Variants in FAN1 observed in about 807,000 individuals in gnomAD.
FAN1 encodes FANCD2 and FANCI associated nuclease 1.
Under a neutral mutation model 104.9 loss-of-function variants are expected in FAN1, and 91 were observed. The observed-to-expected ratio is 0.87, with a 90% CI of 0.73 to 1.03. FAN1 has a LOEUF of 1.03. FAN1 is among the 50% of genes least tolerant of loss of function. The pLI, the probability that FAN1 is intolerant of heterozygous loss-of-function variation, is 0.00. For missense variants in FAN1, 1,263 were observed against 1,239.9 expected, an observed-to-expected ratio of 1.02 and a Z score of -0.28; for synonymous variants, 478 against 457.6, an observed-to-expected ratio of 1.04 and a Z score of -0.57.
chr15:30,929,240 CA>C lies in FAN1; in HGVS notation c.2632del (p.Ser878AlafsTer12). The C allele has an allele frequency of 2.5e-6, 4 of 1,613,520 alleles. No homozygotes were observed. Among genetic ancestry groups the C allele is most frequent in the Non-Finnish European group, 3.4e-6 (4 of 1,179,826 alleles). On this transcript the variant is annotated frameshift_variant, in exon 12 of 15. Coordinates refer to ENST00000362065, the MANE Select transcript of FAN1 (RefSeq NM_014967.5). LOFTEE classifies it high-confidence loss of function. ...GACTTGTGCACAGACAGCTTCTTCA[CA>C]AGCAGACGCCCAGCCCTTGAGGCCA... The part of the protein sequence containing the change: ...PLDLCTDSFF[T>X]SRRPALEARL...
At chr15:30,915,554 A>G (rs114789221) in intron 5 of FAN1, among the ~76,000 whole-genome samples, 2,296 of 152,300 alleles carry the variant, frequency 0.015, 58 homozygotes, top group African/African-American at 0.053. Flanking sequence ...GGGTCACTTG[A>G]GTCCAGAAAT....
intron 4 of FAN1, chr15:30,911,046 A>G (rs2062090388): frequency 1.4e-5 from 18 of 1,255,626 alleles, no homozygotes; most frequent in South Asian, 7.0e-5. Context: ...TCGGAAGGCA[A>G]TAGGCCTTTG....
At chr15:30,940,923 A>C in intron 14 of FAN1, 1 of 1,049,164 alleles carries the variant, frequency 9.5e-7, no homozygotes, top group Non-Finnish European at 1.2e-6. Context: ...ATGATTTCAA[A>C]ACACAGTGAT....
At chr15:30,912,652 GCACCA>G (rs2062122976) in intron 4 of FAN1, among the ~76,000 whole-genome samples, 1 of 152,158 alleles carries the variant, frequency 6.6e-6, no homozygotes, top group Admixed American at 6.6e-5. Context: ...AATAGCTTCT[GCACCA>G]GAAGGGTGTG....
chr15:30,940,173 A>C, intron 14 of FAN1: 1 of 985,390 alleles, frequency 1.0e-6, no homozygotes, highest in Non-Finnish European at 1.2e-6. Context: ...TTAAGCGGGG[A>C]ATGAGGAGTG....
intron 14 of FAN1, chr15:30,940,152 G>T (rs985619014): frequency 1.0e-6 from 1 of 985,456 alleles, no homozygotes; most frequent in Middle Eastern, 5.2e-4. Flanking sequence ...AAATTTGAAA[G>T]TATCCATGTT....
At chr15:30,913,736 A>G (rs2062144245) in intron 4 of FAN1, 122 bp from the exon 5 acceptor site, 2 of 671,674 alleles carry the variant, frequency 3.0e-6, no homozygotes. Context: ...CAGTTAAGTA[A>G]TGCTCCAGTG....
intron 13 of FAN1, among the ~76,000 whole-genome samples, chr15:30,935,921 G>A (rs867409550): frequency 1.2e-4 from 18 of 151,832 alleles, no homozygotes; most frequent in African/African-American, 3.1e-4. Context: ...CTAGGGTGCC[G>A]TTACATTTGT....
intron 14 of FAN1, among the ~76,000 whole-genome samples, chr15:30,938,305 A>C (rs1198573787): frequency 6.6e-6 from 1 of 152,222 alleles, no homozygotes; most frequent in African/African-American, 2.4e-5. Flanking sequence ...TAGCTGTTAA[A>C]CTTTTATGAT....
At chr15:30,914,125 T>G in intron 5 of FAN1, 34 bp downstream of exon 5, 1 of 1,408,430 alleles carries the variant, frequency 7.1e-7, no homozygotes, top group Non-Finnish European at 9.9e-7. Flanking sequence ...AATGTCTATA[T>G]GTGTATTTCA....
Position 30,904,681 on chromosome 15 carries a change from A to G in FAN1, c.18A>G (p.Lys6=), listed in dbSNP as rs2061930381. The G allele has an allele frequency of 3.1e-6, 5 of 1,604,464 alleles. No individual in the cohort carries two copies. In the South Asian group the frequency reaches 4.4e-5, roughly 14 times the overall value. ...TAATACTCATGATGTCAGAAGGGAA[A>G]CCTCCTGACAAAAAAAGGCCTCGTA... is the stretch of plus-strand genomic sequence containing the variant. The part of the protein sequence containing the change: MMSEG[K]PPDKKRPRRS... Residue 6 remains lysine (K), a synonymous_variant, in exon 2 of 15, where the codon AAA becomes AAG. Transcript: ENST00000362065.
chr15:30,904,792 C>T lies in FAN1; in HGVS notation c.129C>T (p.Ala43=), dbSNP rs200233447. ...ACAATGCACCACCTGCTAAACTTGCCTGCCCCGTTTGCAGTAAAATGGTGC... is the reference window on the plus strand; with the variant it reads ...ACAATGCACCACCTGCTAAACTTGCTTGCCCCGTTTGCAGTAAAATGGTGC... The part of the protein sequence containing the change: ...CFNNAPPAKL[A]CPVCSKMVPR... Residue 43 remains alanine (A), a synonymous_variant, in exon 2 of 15, where the codon GCC becomes GCT. Coordinates refer to ENST00000362065, the MANE Select transcript of FAN1 (RefSeq NM_014967.5). 2 of 1,613,598 alleles carry T rather than the reference C, an allele frequency of 1.2e-6. No homozygotes were observed. The highest frequency in any genetic ancestry group is 1.7e-6 in the Non-Finnish European group (2 of 1,179,664).
rs1369235197 is a variant in FAN1, at chr15:30,942,489, C to G, written c.*927C>G. Reference sequence around the variant, plus strand: ...GCAAATTTTCTACCAAAAAAAATCCCAAGAATTTATTTGGGAATTATTAAA... The same window carrying G: ...GCAAATTTTCTACCAAAAAAAATCCGAAGAATTTATTTGGGAATTATTAAA... On this transcript the variant is annotated 3_prime_UTR_variant, in exon 15 of 15. Coordinates refer to ENST00000362065, the MANE Select transcript of FAN1 (RefSeq NM_014967.5). The G allele has an allele frequency of 3.8e-6, 1 of 260,386 alleles. No homozygotes were observed. Among genetic ancestry groups the G allele is most frequent in the African/African-American group, 2.2e-5 (1 of 44,868 alleles). The allele number at this position is 260,386 out of a possible 1,614,324, so 16.1% of individuals were successfully genotyped here.
chr15:30,934,854 CT>C (rs1412807005), intron 13 of FAN1, among the ~76,000 whole-genome samples: 1 of 152,140 alleles, frequency 6.6e-6, no homozygotes, highest in Admixed American at 6.5e-5. Flanking sequence ...CCCTTCCAGC[CT>C]TTGTGGTGTT....
rs187679865 is a variant in FAN1 at position 30,937,099 on chromosome 15, T to G, written c.2917-20T>G. Reference sequence around the variant, plus strand: ...ATTCAGTAAGATACTAATAACAACTTTTAAAAATTTCTTTTCCAGCTGGTG... The same window carrying G: ...ATTCAGTAAGATACTAATAACAACTGTTAAAAATTTCTTTTCCAGCTGGTG... On this transcript the variant is annotated intron_variant, in intron 13 of 14. Coordinates refer to ENST00000362065, the MANE Select transcript of FAN1 (RefSeq NM_014967.5). 2 of 1,603,354 alleles carry G rather than the reference T, an allele frequency of 1.2e-6. No individual in the cohort carries two copies. The highest frequency in any genetic ancestry group is 4.5e-5 in the East Asian group (2 of 44,818).
At chr15:30,930,885 C>T (rs896021291) in intron 13 of FAN1, among the ~76,000 whole-genome samples, 3 of 152,174 alleles carry the variant, frequency 2.0e-5, no homozygotes, top group African/African-American at 7.2e-5. Flanking sequence ...CAAGACAGAG[C>T]TCCATCTCTT....
Position 30,936,432 on chromosome 15 carries a change from CAG to C in FAN1, c.2917-684_2917-683del, listed in dbSNP as rs1425299016. On this transcript the variant is annotated intron_variant, in intron 13 of 14. Transcript: ENST00000362065. Reference sequence around the variant, plus strand: ...AGGTTAGATTTAATTGAAAATGTAACAGAGTAATCGGAGGGTTTTAAGCAAGG... The same window carrying C: ...AGGTTAGATTTAATTGAAAATGTAACAGTAATCGGAGGGTTTTAAGCAAGG... 2.0e-5 allele frequency among the ~76,000 whole-genome samples: 3 copies of C among 152,136 alleles called. No individual in the cohort carries two copies. The East Asian group carries it at 5.8e-4, about 29-fold the overall frequency.
intron 4 of FAN1, chr15:30,911,118 T>G: frequency 8.9e-7 from 1 of 1,123,436 alleles, no homozygotes; most frequent in Non-Finnish European, 1.1e-6. Context: ...TATGGGATTT[T>G]AAGGTAAACT....
At position 30,925,400 on chromosome 15, in the gene FAN1, G is replaced by A. The variant is rs1277715063; in HGVS notation, c.2337+109G>A. ...GAGTGTGTGTTTTCTTTTAGACTCG[G>A]AATAATCTAAAACTCGTTTTGGACG... On this transcript the variant is annotated intron_variant, in intron 9 of 14. Transcript: ENST00000362065. The A allele has an allele frequency of 1.5e-5, 16 of 1,094,160 alleles. No homozygotes were observed. The East Asian group carries it at 4.0e-4, about 27-fold the overall frequency. The allele number at this position is 1,094,160 out of a possible 1,614,324, so 67.8% of individuals were successfully genotyped here.
Sources: allele counts gnomAD v4.1 joint callset (sites outside exome capture counted in the v4.1 genomes callset), GRCh38; gene constraint gnomAD v4.1.1; transcripts MANE v1.5; gene names NCBI Gene and HGNC (gene_info 2026-07-23, HGNC 2026-07-21).